ARHGAP32: variants seen among roughly 807,000 people sequenced by gnomAD.
The protein encoded by ARHGAP32 is Rho GTPase activating protein 32.
A neutral mutation model predicts 186.5 loss-of-function variants in ARHGAP32; 51 were observed. The ratio of observed to expected loss-of-function variants is 0.27; its 90% CI spans 0.22 to 0.35. ARHGAP32 has a LOEUF of 0.35. ARHGAP32 is among the 10% of genes least tolerant of loss of function. The pLI is 1.00. For missense variants in ARHGAP32, 2,186 were observed against 2,623.5 expected (o/e 0.83, Z 3.64); for synonymous variants, 950 against 964.3 (o/e 0.99, Z 0.27).
At chr11:129,152,775 A>C (rs1565446377) in intron 2 of ARHGAP32, among the ~76,000 whole-genome samples, 1 of 152,162 alleles carries the variant, frequency 6.6e-6, no homozygotes, top group Non-Finnish European at 1.5e-5. Flanking sequence ...TCCACAACCA[A>C]CATTATACTG....
In ARHGAP32 at chr11:128,970,506, G is replaced by A. The variant is rs770024373; in HGVS notation, c.4707C>T (p.Val1569=). ...AGGAGCTCAAAGAAGACACATACTCGACCCGGCTGCATGGCTTGGAGTGGT... is the reference window on the plus strand; with the variant it reads ...AGGAGCTCAAAGAAGACACATACTCAACCCGGCTGCATGGCTTGGAGTGGT... ...SGHHSKPCSR[V]EYVSSLSSSV... The change falls in exon 23 of 23, where the codon GTC becomes GTT. Residue 1569 remains valine (V), a synonymous_variant. Transcript: ENST00000682385. The surrounding 1 kb of genome is among the most constrained non-coding windows in gnomAD (Gnocchi z 5.8). The A allele has an allele frequency of 6.2e-6, 10 of 1,614,002 alleles. No homozygotes were observed. Among genetic ancestry groups the A allele is most frequent in the East Asian group, 2.2e-5 (1 of 44,880 alleles).
chr11:129,074,524 C>T (rs1443836289), intron 6 of ARHGAP32, among the ~76,000 whole-genome samples: 3 of 152,068 alleles, frequency 2.0e-5, no homozygotes, highest in Non-Finnish European at 4.4e-5. Context: ...GATGGAGTCT[C>T]GCTCTGTTAC....
chr11:129,046,704 C>T (rs1480418187), intron 10 of ARHGAP32, among the ~76,000 whole-genome samples: 1 of 152,086 alleles, frequency 6.6e-6, no homozygotes, highest in Non-Finnish European at 1.5e-5. Flanking sequence ...ATAAAATAAG[C>T]CTGGAGCTTT....
chr11:129,022,160 G>GT (rs1938621421), intron 11 of ARHGAP32, among the ~76,000 whole-genome samples: 1 of 151,994 alleles, frequency 6.6e-6, no homozygotes, highest in African/African-American at 2.4e-5. Flanking sequence ...TACATCAAAG[G>GT]TAACAGGACT....
upstream of ARHGAP32, among the ~76,000 whole-genome samples, chr11:129,196,891 T>C (rs1048316153): frequency 2.6e-5 from 4 of 152,092 alleles, no homozygotes; most frequent in African/African-American, 9.7e-5. Context: ...AACCCGTCTC[T>C]ACTAAAAATA....
chr11:129,048,889 A>T (rs2135066419), intron 10 of ARHGAP32, among the ~76,000 whole-genome samples: 1 of 152,322 alleles, frequency 6.6e-6, no homozygotes, highest in South Asian at 2.1e-4. Flanking sequence ...ACATAGAAAA[A>T]AAAGACACAA....
At chr11:129,058,188 T>TACACAC (rs58479028) in intron 10 of ARHGAP32, among the ~76,000 whole-genome samples, 1,830 of 133,860 alleles carry the variant, frequency 0.014, 16 homozygotes, top group African/African-American at 0.024. Context: ...AAAAAAAATA[T>TACACAC]ACACACACAC....
upstream of ARHGAP32, among the ~76,000 whole-genome samples, chr11:129,193,597 A>ATATAATATATAT (rs1565464656): frequency 5.6e-4 from 19 of 33,984 alleles, no homozygotes; most frequent in Non-Finnish European, 8.8e-4. Flanking sequence ...AATATATGTT[A>ATATAATATATAT]TATATAATAT....
At chr11:128,985,850 GTGTGTGTGTATATA>G (rs1945852821) in intron 15 of ARHGAP32, 139 bp downstream of exon 15, 1 of 130,316 alleles carries the variant, frequency 7.7e-6, no homozygotes, top group Non-Finnish European at 1.4e-5. Flanking sequence ...GTGTGTGTGT[GTGTGTGTGTATATA>G]TATATATATA....
chr11:129,275,620 T>A (rs749902380), intron 1 of ARHGAP32, among the ~76,000 whole-genome samples: 1 of 152,202 alleles, frequency 6.6e-6, no homozygotes, highest in Non-Finnish European at 1.5e-5. Flanking sequence ...AAGAACCAGA[T>A]AATAAATACT....
At chr11:129,198,539 C>G (rs1045026887) in intron 1 of ARHGAP32, among the ~76,000 whole-genome samples, 2 of 152,178 alleles carry the variant, frequency 1.3e-5, no homozygotes, top group Non-Finnish European at 1.5e-5. Flanking sequence ...ATAAGGGGCA[C>G]CCCTGTCGCT....
chr11:129,188,443 G>A (rs1944206230), intron 1 of ARHGAP32, among the ~76,000 whole-genome samples: 1 of 152,106 alleles, frequency 6.6e-6, no homozygotes, highest in African/African-American at 2.4e-5. Context: ...GATCTGATCT[G>A]ATCGCCTGGG....
rs149166332 is a variant in ARHGAP32, at chr11:129,089,700, C to T, written c.531+3921G>A. ...CTATCCAAGAGTTTCAACCACGATACTAACAATATTTGATTTACATTTTAT... is the reference window on the plus strand; with the variant it reads ...CTATCCAAGAGTTTCAACCACGATATTAACAATATTTGATTTACATTTTAT... On this transcript the variant is annotated intron_variant, in intron 6 of 22. Transcript: ENST00000682385. 2.6e-5 allele frequency among the ~76,000 whole-genome samples: 4 copies of T among 152,260 alleles called. No homozygotes were observed. The East Asian group carries it at 7.7e-4, about 29-fold the overall frequency.
At chr11:129,078,256 G>A (rs1241534011) in intron 6 of ARHGAP32, among the ~76,000 whole-genome samples, 1 of 152,014 alleles carries the variant, frequency 6.6e-6, no homozygotes, top group Non-Finnish European at 1.5e-5. Flanking sequence ...AGGGGAAGGG[G>A]GTGAGCACCA....
At chr11:129,093,864 G>A (rs1306664821) in intron 5 of ARHGAP32, among the ~76,000 whole-genome samples, 157 bp from the exon 6 acceptor site, 1 of 152,182 alleles carries the variant, frequency 6.6e-6, no homozygotes, top group African/African-American at 2.4e-5. Flanking sequence ...TAAGGCAGAT[G>A]AATGAAGGAC....
chr11:129,268,337 A>C (rs2135721995), intron 1 of ARHGAP32, among the ~76,000 whole-genome samples: 1 of 152,320 alleles, frequency 6.6e-6, no homozygotes, highest in South Asian at 2.1e-4. Flanking sequence ...GTAGTGTTCC[A>C]ATTTCATAGA....
chr11:129,012,127 A>C (rs75184407), intron 11 of ARHGAP32, among the ~76,000 whole-genome samples: 2,067 of 152,306 alleles, frequency 0.014, 21 homozygotes, highest in South Asian at 0.033. Flanking sequence ...ATATTTAAAA[A>C]AGGACCACGT....
intron 19 of ARHGAP32, among the ~76,000 whole-genome samples, chr11:128,977,979 A>G (rs1373604043): frequency 1.3e-5 from 2 of 151,628 alleles, no homozygotes; most frequent in Non-Finnish European, 2.9e-5. Flanking sequence ...GGCCTCCCAA[A>G]GTGTTGGGAT....
At chr11:129,270,523 G>GAAAA (rs1945460635) in intron 1 of ARHGAP32, among the ~76,000 whole-genome samples, 1 of 151,022 alleles carries the variant, frequency 6.6e-6, no homozygotes, top group Admixed American at 6.6e-5. Context: ...CTCAGAACAA[G>GAAAA]TGGGAAAAAT....
Sources: allele counts gnomAD v4.1 joint callset (sites outside exome capture counted in the v4.1 genomes callset), GRCh38; gene constraint gnomAD v4.1.1; non-coding constraint Gnocchi (gnomAD v3.1); transcripts MANE v1.5; gene names NCBI Gene and HGNC (gene_info 2026-07-23, HGNC 2026-07-21).